The following FNIP2 variants were observed in gnomAD, a reference collection of about 807,000 sequenced individuals.
The protein encoded by FNIP2 is folliculin interacting protein 2, also known as folliculin-interacting protein 2.
FNIP2 carries 32 observed loss-of-function variants against 108.7 expected under a neutral mutation model. The ratio of observed to expected loss-of-function variants is 0.29; its 90% CI spans 0.22 to 0.40. The LOEUF (loss-of-function observed/expected upper bound fraction) is 0.40, where lower values mean the gene tolerates loss of function less well. Among genes scored for constraint, FNIP2 ranks in the 10% least tolerant of loss-of-function variants. The pLI is 1.00. For synonymous variants in FNIP2, 480 were observed against 496.7 expected (o/e 0.97, Z 0.45); for missense variants, 1,202 against 1,381.6 (o/e 0.87, Z 2.06).
At chr4:158,888,814 A>G (rs564935658) in intron 14 of FNIP2, among the ~76,000 whole-genome samples, 21 of 151,584 alleles carry the variant, frequency 1.4e-4, no homozygotes, top group African/African-American at 4.8e-4. Flanking sequence ...CGCAGGAGCC[A>G]TGTGTTGCAG....
chr4:158,843,680 G>A (rs1018789282), intron 7 of FNIP2, among the ~76,000 whole-genome samples: 4 of 152,202 alleles, frequency 2.6e-5, no homozygotes, highest in African/African-American at 4.8e-5. Context: ...TCTTAGGTAC[G>A]GGAAGGGCTA....
At chr4:158,816,612 C>CG (rs1777583822) in intron 1 of FNIP2, among the ~76,000 whole-genome samples, 1 of 151,818 alleles carries the variant, frequency 6.6e-6, no homozygotes. Flanking sequence ...CTGAAACCCC[C>CG]TCTCTACTAA....
intron 7 of FNIP2, among the ~76,000 whole-genome samples, chr4:158,841,137 A>G (rs557800347): frequency 6.6e-6 from 1 of 152,298 alleles, no homozygotes; most frequent in African/African-American, 2.4e-5. Flanking sequence ...TATTACTCAC[A>G]TAATGAGGCT....
At chr4:158,804,184 C>T (rs1476662008) in intron 1 of FNIP2, among the ~76,000 whole-genome samples, 3 of 152,030 alleles carry the variant, frequency 2.0e-5, no homozygotes, top group Non-Finnish European at 4.4e-5. Flanking sequence ...TCAAATGATC[C>T]GTCCACCTCA....
intron 1 of FNIP2, among the ~76,000 whole-genome samples, chr4:158,772,515 A>AGTTAAAT (rs2126397460): frequency 6.6e-6 from 1 of 152,324 alleles, no homozygotes; most frequent in Non-Finnish European, 1.5e-5. Context: ...ATTTTGGAGC[A>AGTTAAAT]GTTAAATGAA....
Position 158,896,413 on chromosome 4 carries a change from T to C in FNIP2, c.3266+548T>C, listed in dbSNP as rs528429555. 3.3e-5 allele frequency among the ~76,000 whole-genome samples: 5 copies of C among 152,342 alleles called. No homozygotes were observed. The East Asian group carries it at 9.6e-4, about 29-fold the overall frequency. ...CTATCATCCTCCAGAGGGTATTTGCTATAACTTCTCTAGGGGAAGTAATTC... is the reference window on the plus strand; with the variant it reads ...CTATCATCCTCCAGAGGGTATTTGCCATAACTTCTCTAGGGGAAGTAATTC... On this transcript the variant is annotated intron_variant, in intron 16 of 16. Transcript: ENST00000264433.
chr4:158,867,143 A>G (rs1038398608), intron 12 of FNIP2, among the ~76,000 whole-genome samples: 7 of 152,030 alleles, frequency 4.6e-5, no homozygotes, highest in African/African-American at 9.7e-5. Context: ...TTTTTAATCA[A>G]CTTGTCAGGA....
chr4:158,846,359 A>G (rs1267867217), intron 7 of FNIP2, among the ~76,000 whole-genome samples: 3 of 152,136 alleles, frequency 2.0e-5, no homozygotes, highest in African/African-American at 7.2e-5. Context: ...ACAATTCAGA[A>G]TCCGCTAGCA....
intron 14 of FNIP2, chr4:158,871,502 G>A: frequency 1.0e-6 from 1 of 985,268 alleles, no homozygotes; most frequent in African/African-American, 1.7e-5. Context: ...AGGCTAAACA[G>A]GCTAAGTATA....
At chr4:158,793,149 T>C (rs1406631978) in intron 1 of FNIP2, among the ~76,000 whole-genome samples, 1 of 152,152 alleles carries the variant, frequency 6.6e-6, no homozygotes, top group Non-Finnish European at 1.5e-5. Context: ...AACTTTGAGC[T>C]CTAGGGAGTG....
chr4:158,867,956 C>T, intron 12 of FNIP2, 146 bp from the exon 13 acceptor site: 1 of 1,181,186 alleles, frequency 8.5e-7, no homozygotes. Context: ...AAACGTGGTC[C>T]TTACTAGAGA....
intron 7 of FNIP2, among the ~76,000 whole-genome samples, chr4:158,848,598 A>G (rs1005598630): frequency 6.6e-6 from 1 of 152,208 alleles, no homozygotes; most frequent in African/African-American, 2.4e-5. Flanking sequence ...AAGACCATCC[A>G]GGATCACGTT....
intron 1 of FNIP2, among the ~76,000 whole-genome samples, chr4:158,785,306 G>T (rs965474495): frequency 6.6e-6 from 1 of 151,868 alleles, no homozygotes; most frequent in Non-Finnish European, 1.5e-5. Flanking sequence ...GGATGGTCGC[G>T]ATCTCTTGAC....
intron 1 of FNIP2, among the ~76,000 whole-genome samples, chr4:158,805,003 G>T (rs1776892756): frequency 1.3e-5 from 2 of 152,116 alleles, no homozygotes; most frequent in Non-Finnish European, 2.9e-5. Context: ...GAATTTTAGG[G>T]ATTATATATA....
intron 1 of FNIP2, among the ~76,000 whole-genome samples, chr4:158,801,402 G>T (rs1776757694): frequency 6.6e-6 from 1 of 152,208 alleles, no homozygotes; most frequent in Non-Finnish European, 1.5e-5. Context: ...GAAAGAATTT[G>T]ACTTATCAGT....
chr4:158,900,974 G>A (rs1479711965), intron 16 of FNIP2, among the ~76,000 whole-genome samples: 1 of 152,066 alleles, frequency 6.6e-6, no homozygotes, highest in East Asian at 1.9e-4. Flanking sequence ...GGCTGGTACC[G>A]CTTTTTCCTT....
At chr4:158,841,165 G>T (rs1271558659) in intron 7 of FNIP2, among the ~76,000 whole-genome samples, 1 of 152,164 alleles carries the variant, frequency 6.6e-6, no homozygotes, top group Non-Finnish European at 1.5e-5. Context: ...GGAGACAACA[G>T]GGTGGGGGCT....
At chr4:158,844,797 C>T (rs1161749562) in intron 7 of FNIP2, among the ~76,000 whole-genome samples, 1 of 152,208 alleles carries the variant, frequency 6.6e-6, no homozygotes, top group African/African-American at 2.4e-5. Context: ...AGTAAACTGT[C>T]ACAAGTAGCA....
chr4:158,769,537 G>A (rs945777742), intron 1 of FNIP2, among the ~76,000 whole-genome samples: 1 of 152,178 alleles, frequency 6.6e-6, no homozygotes, highest in African/African-American at 2.4e-5. Context: ...ACAACTCAGG[G>A]TCCTTCCCCA....
Sources: allele counts gnomAD v4.1 joint callset (sites outside exome capture counted in the v4.1 genomes callset), GRCh38; gene constraint gnomAD v4.1.1; transcripts MANE v1.5; gene names NCBI Gene and HGNC (gene_info 2026-07-23, HGNC 2026-07-21).